THADA: variants seen among roughly 807,000 people sequenced by gnomAD.
The protein encoded by THADA is tRNA (32-2'-O)-methyltransferase regulator THADA.
Under a neutral mutation model 219.8 loss-of-function variants are expected in THADA, and 213 were observed. That is an observed-to-expected ratio of 0.97 (90% CI 0.87 to 1.09). The LOEUF (loss-of-function observed/expected upper bound fraction) is 1.09, where lower values mean the gene tolerates loss of function less well. Among genes scored for constraint, THADA ranks in the 50% least tolerant of loss-of-function variants. The pLI is 0.00. For missense variants in THADA, 2,956 were observed against 2,311.3 expected, an observed-to-expected ratio of 1.28 and a Z score of -5.72; for synonymous variants, 1,018 against 828.9, an observed-to-expected ratio of 1.23 and a Z score of -3.92.
intron 25 of THADA, among the ~76,000 whole-genome samples, chr2:43,493,115 T>A (rs755851690): frequency 8.5e-5 from 13 of 152,180 alleles, no homozygotes; most frequent in Non-Finnish European, 1.5e-4. Flanking sequence ...TGGGCAGATC[T>A]AACAGGATCT....
intron 29 of THADA, among the ~76,000 whole-genome samples, chr2:43,349,470 T>C (rs1668010565): frequency 6.6e-6 from 1 of 152,214 alleles, no homozygotes; most frequent in Non-Finnish European, 1.5e-5. Flanking sequence ...CAGTAAAATA[T>C]GTCTAGTTTA....
chr2:43,487,695 G>GC (rs1204417716), intron 25 of THADA, among the ~76,000 whole-genome samples: 1 of 152,074 alleles, frequency 6.6e-6, no homozygotes, highest in Non-Finnish European at 1.5e-5. Flanking sequence ...TGCGATTAGT[G>GC]CCCTTATAAA....
At chr2:43,244,308 G>A (rs150382314) in intron 36 of THADA, among the ~76,000 whole-genome samples, 12 of 152,210 alleles carry the variant, frequency 7.9e-5, no homozygotes, top group Admixed American at 5.2e-4. Flanking sequence ...ACTTGCATTT[G>A]TTCACTTCAA....
chr2:43,246,551 C>T (rs1251139835), intron 36 of THADA, among the ~76,000 whole-genome samples: 1 of 152,018 alleles, frequency 6.6e-6, no homozygotes, highest in Non-Finnish European at 1.5e-5. Context: ...AGTTCCCTTA[C>T]TATAGGCACC....
At chr2:43,381,200 C>T (rs1201645219) in intron 29 of THADA, among the ~76,000 whole-genome samples, 2 of 150,926 alleles carry the variant, frequency 1.3e-5, no homozygotes, top group Non-Finnish European at 2.9e-5. Context: ...CTCCCAATAG[C>T]TAAAACTGAA....
chr2:43,392,261 T>C (rs1056989540), intron 29 of THADA, among the ~76,000 whole-genome samples: 3 of 152,238 alleles, frequency 2.0e-5, no homozygotes, highest in Non-Finnish European at 4.4e-5. Flanking sequence ...TTTTAAAAGA[T>C]GGAAATAATT....
At chr2:43,329,557 CTTATT>C (rs569319955) in intron 30 of THADA, among the ~76,000 whole-genome samples, 7 of 152,168 alleles carry the variant, frequency 4.6e-5, no homozygotes, top group East Asian at 1.9e-4. Flanking sequence ...AAAAAGTATT[CTTATT>C]TTATCTTTAT....
At position 43,527,955 on chromosome 2, in the gene THADA, G is replaced by A. The variant is rs754774902; in HGVS notation, c.3298C>T (p.Leu1100Phe). Residue 1100 changes from leucine (L) to phenylalanine (F), a missense_variant, in exon 22 of 38, where the codon CTT becomes TTT. Leu to Phe is a conservative substitution (Grantham distance 22). Transcript: ENST00000405975. ...GCTCCTCTGTGCCTGGACTGCAAAA[G>A]GTGTTGTTTAAAGTAATCTCCTATT... The part of the protein sequence containing the change: ...KEIGDYFKQH[L>F]LQSRHRGAFE... 16 of 1,613,196 alleles carry A rather than the reference G, an allele frequency of 9.9e-6. No individual in the cohort carries two copies. The East Asian group carries it at 1.1e-4, about 11-fold the overall frequency.
At chr2:43,440,648 T>G (rs973177083) in intron 26 of THADA, among the ~76,000 whole-genome samples, 1 of 152,236 alleles carries the variant, frequency 6.6e-6, no homozygotes, top group African/African-American at 2.4e-5. Context: ...TCAGAATCTC[T>G]CATTATACAA....
intron 28 of THADA, among the ~76,000 whole-genome samples, chr2:43,412,281 G>A (rs1026522534): frequency 1.3e-5 from 2 of 151,950 alleles, no homozygotes; most frequent in African/African-American, 2.4e-5. Flanking sequence ...TAATAAAGTC[G>A]GTGCAAAATG....
At chr2:43,291,454 CAA>C (rs765352765) in intron 34 of THADA, among the ~76,000 whole-genome samples, 327 of 8,066 alleles carry the variant, frequency 0.041, 2 homozygotes, top group African/African-American at 0.11. Flanking sequence ...AACTCCATCT[CAA>C]AAAAAAAAAA....
chr2:43,288,539 T>A (rs1472462386), intron 34 of THADA, among the ~76,000 whole-genome samples: 1 of 152,214 alleles, frequency 6.6e-6, no homozygotes. Context: ...AAGAGACAGA[T>A]GAAAAGACAG....
intron 30 of THADA, 56 bp from the exon 31 acceptor site, chr2:43,320,596 T>A: frequency 7.4e-7 from 1 of 1,354,514 alleles, no homozygotes; most frequent in Non-Finnish European, 1.0e-6. Context: ...TAGGTCTGGG[T>A]CTCAGGAAGG....
At chr2:43,471,756 T>C (rs1684932210) in intron 26 of THADA, among the ~76,000 whole-genome samples, 4 of 152,206 alleles carry the variant, frequency 2.6e-5, no homozygotes, top group Admixed American at 2.6e-4. Flanking sequence ...GATTGTTCCC[T>C]CTTCTTCGTT....
intron 36 of THADA, among the ~76,000 whole-genome samples, chr2:43,268,594 G>C (rs1335320684): frequency 1.3e-5 from 2 of 152,218 alleles, no homozygotes; most frequent in Non-Finnish European, 2.9e-5. Context: ...ATTGGAGTTT[G>C]GTGGGTAGGA....
chr2:43,408,900 C>T (rs184972275), intron 28 of THADA, among the ~76,000 whole-genome samples: 2 of 152,268 alleles, frequency 1.3e-5, no homozygotes, highest in Admixed American at 6.5e-5. Context: ...ATAGTTGGAG[C>T]CAATCTTCTC....
At chr2:43,567,800 C>T (rs1249087543) in intron 14 of THADA, among the ~76,000 whole-genome samples, 1 of 152,202 alleles carries the variant, frequency 6.6e-6, no homozygotes, top group Non-Finnish European at 1.5e-5. Context: ...CATAGTAATG[C>T]TCAGTATATG....
chr2:43,485,684 T>C (rs2105014373), intron 25 of THADA, among the ~76,000 whole-genome samples: 1 of 152,258 alleles, frequency 6.6e-6, no homozygotes, highest in Non-Finnish European at 1.5e-5. Flanking sequence ...ACCTCAGCTC[T>C]TTCCATTTAT....
At chr2:43,309,469 GCCATA>G (rs1305660191) in intron 31 of THADA, among the ~76,000 whole-genome samples, 1 of 152,090 alleles carries the variant, frequency 6.6e-6, no homozygotes, top group Non-Finnish European at 1.5e-5. Flanking sequence ...GTATAAACAA[GCCATA>G]CACACAATGG....
Sources: allele counts gnomAD v4.1 joint callset (sites outside exome capture counted in the v4.1 genomes callset), GRCh38; gene constraint gnomAD v4.1.1; transcripts MANE v1.5; gene names NCBI Gene and HGNC (gene_info 2026-07-23, HGNC 2026-07-21).